The following MKKS variants were observed in gnomAD, a reference collection of about 807,000 sequenced individuals.
MKKS encodes molecular chaperone MKKS.
A neutral mutation model predicts 33.2 loss-of-function variants in MKKS; 29 were observed. The ratio of observed to expected loss-of-function variants is 0.87; its 90% CI spans 0.65 to 1.19. MKKS has a LOEUF of 1.19. Among genes scored for constraint, MKKS ranks in the 50% most tolerant of loss-of-function variants. The pLI is 0.00. For missense variants in MKKS, 661 were observed against 662.3 expected (o/e 1.00, Z 0.02); for synonymous variants, 260 against 244.0 (o/e 1.07, Z -0.61).
rs1256370772 is a variant in MKKS, at chr20:10,407,654, A to G, written c.1234T>C (p.Cys412Arg). 2 of 1,614,066 alleles carry G rather than the reference A, an allele frequency of 1.2e-6. No individual in the cohort carries two copies. The highest frequency in any genetic ancestry group is 4.5e-5 in the East Asian group (2 of 44,868). ...KEPWALLGGG[C>R]TETHLAAYIR... ...TATGCAGCCAAATGAGTTTCAGTAC[A>G]GCCACCTCCCAACAAAGCCCATGGT... Residue 412 changes from cysteine (C) to arginine (R), a missense_variant, in exon 5 of 6, where the codon TGT becomes CGT. Transcript: ENST00000347364.
At chr20:10,431,191 C>G (rs750288902) in intron 1 of MKKS, among the ~76,000 whole-genome samples, 1 of 152,098 alleles carries the variant, frequency 6.6e-6, no homozygotes, top group African/African-American at 2.4e-5. Context: ...GAGGTTCCTG[C>G]TTGATCAAAG....
At chr20:10,424,411 AT>A in intron 1 of MKKS, among the ~76,000 whole-genome samples, 1 of 152,080 alleles carries the variant, frequency 6.6e-6, no homozygotes, top group Non-Finnish European at 1.5e-5. Context: ...AAAAACATAT[AT>A]TTTTAAAAAA....
chr20:10,409,644 T>C (rs1022011187), intron 3 of MKKS, among the ~76,000 whole-genome samples: 1 of 152,114 alleles, frequency 6.6e-6, no homozygotes, highest in Non-Finnish European at 1.5e-5. Context: ...CTTTAAAAGA[T>C]GGTTTCTTTC....
At chr20:10,408,485 C>T (rs2064858342) in intron 4 of MKKS, 143 bp downstream of exon 4, 1 of 791,824 alleles carries the variant, frequency 1.3e-6, no homozygotes, top group South Asian at 1.6e-5. Flanking sequence ...TTTAAATTAG[C>T]TTACTTGTGA....
chr20:10,413,272 T>A lies in MKKS; in HGVS notation c.243A>T (p.Ile81=). 1 of 1,614,228 alleles carries A rather than the reference T, an allele frequency of 6.2e-7. No individual in the cohort carries two copies. Among genetic ancestry groups the A allele is most frequent in the Non-Finnish European group, 8.5e-7 (1 of 1,180,034 alleles). Residue 81 remains isoleucine (I), a synonymous_variant, in exon 3 of 6, where the codon ATA becomes ATT. Coordinates refer to ENST00000347364, the MANE Select transcript of MKKS (RefSeq NM_170784.3). ...HPILKILTAS[I]QNHVSSFSDC... The stretch of plus-strand genomic sequence containing the variant: ...CACTGAAGCTTGACACATGATTCTG[T>A]ATGGAGGCTGTCAGGATCTTTAAAA...
At chr20:10,431,260 G>A (rs1265259128) in intron 1 of MKKS, among the ~76,000 whole-genome samples, 1 of 152,032 alleles carries the variant, frequency 6.6e-6, no homozygotes, top group Admixed American at 6.6e-5. Context: ...TATAAGGTGA[G>A]GAAATACTGT....
Position 10,404,990 on chromosome 20 carries a change from T to G in MKKS, c.*257A>C, listed in dbSNP as rs375444530. ...CCAACATAACAAAAATTTAGAACAA[T>G]GTACAGCAGCCAGTATAGAATCCCT... On this transcript the variant is annotated 3_prime_UTR_variant, in exon 6 of 6. Coordinates refer to ENST00000347364, the MANE Select transcript of MKKS (RefSeq NM_170784.3). 7.7e-5 allele frequency: 21 copies of G among 273,606 alleles called. No individual in the cohort carries two copies. In the East Asian group the frequency reaches 1.1e-3, roughly 14 times the overall value. The allele number at this position is 273,606 out of a possible 1,614,324, so 16.9% of individuals were successfully genotyped here.
Position 10,401,502 on chromosome 20 carries a change from C to G in MKKS, c.*3745G>C, listed in dbSNP as rs1026059695. ...TGTAGGAGATGTTTAGTCTCTTTGA[C>G]TATTCCCCAAAGATTATCAGGAAGG... On this transcript the variant is annotated 3_prime_UTR_variant, in exon 6 of 6. Coordinates refer to ENST00000347364, the MANE Select transcript of MKKS (RefSeq NM_170784.3). The G allele has an allele frequency of 6.6e-6, 1 of 152,168 alleles. No homozygotes were observed. The highest frequency in any genetic ancestry group is 2.4e-5 in the African/African-American group (1 of 41,442). 9.4% of individuals were successfully genotyped at this position (152,168 alleles called of 1,614,324 possible). A position where few individuals can be genotyped will look rare whatever the true frequency, so the allele number is the denominator to read the frequency against.
rs1269436272 is a variant in MKKS at position 10,405,679 on chromosome 20, G to A, written c.1281C>T (p.Asn427=). ...CATCTTTGAGAATGCTTTCTGGGTC[G>A]TTGTGAGTCTAAAGAGTAATAAAAA... ...LAAYIRHKTH[N]DPESILKDDE... is the part of the protein sequence containing the mutation. Residue 427 remains asparagine, a synonymous_variant, in exon 6 of 6, where the codon AAC becomes AAT. Coordinates refer to ENST00000347364, the MANE Select transcript of MKKS (RefSeq NM_170784.3). 8 of 1,613,102 alleles carry A rather than the reference G, an allele frequency of 5.0e-6. No individual in the cohort carries two copies. Among genetic ancestry groups the A allele is most frequent in the African/African-American group, 2.7e-5 (2 of 74,868 alleles).
chr20:10,412,609 C>T lies in MKKS; in HGVS notation c.906G>A (p.Lys302=), dbSNP rs1175195016. 6.2e-7 allele frequency: 1 copy of T among 1,614,132 alleles called. No homozygotes were observed. ...LCQKVIHPSL[K]QFLNMHRIIA... Reference sequence around the variant, plus strand: ...TAATACGATGCATATTGAGAAACTGCTTCAAAGATGGATGTATAACTTTTT... The same window carrying T: ...TAATACGATGCATATTGAGAAACTGTTTCAAAGATGGATGTATAACTTTTT... The change falls in exon 3 of 6, where the codon AAG becomes AAA. Residue 302 remains lysine, a synonymous_variant. Transcript: ENST00000347364.
In MKKS at chr20:10,405,142, T is replaced by C; in HGVS notation, c.*105A>G. ...TAATTTTATGAGTCATTTGTCCAAA[T>C]ATGTAGAACAGGGCTTTGGGAGAAA... On this transcript the variant is annotated 3_prime_UTR_variant, in exon 6 of 6. Coordinates refer to ENST00000347364, the MANE Select transcript of MKKS (RefSeq NM_170784.3). The C allele has an allele frequency of 1.1e-6, 1 of 892,002 alleles. No individual in the cohort carries two copies. Among genetic ancestry groups the C allele is most frequent in the Non-Finnish European group, 1.7e-6 (1 of 599,952 alleles). 55.3% of individuals were successfully genotyped at this position (892,002 alleles called of 1,614,324 possible).
At position 10,413,905 on chromosome 20, in the gene MKKS, A is replaced by G; in HGVS notation, c.-391T>C. The G allele has an allele frequency of 2.4e-6, 1 of 419,372 alleles. No homozygotes were observed. 26.0% of individuals were successfully genotyped at this position (419,372 alleles called of 1,614,324 possible). A position where few individuals can be genotyped will look rare whatever the true frequency, so the allele number is the denominator to read the frequency against. ...TTTTTCATCTCTTCTTTCGATATGA[A>G]GCTCAGATTCAAAGCTGCTTCTTTA... is the stretch of plus-strand genomic sequence containing the variant. On this transcript the variant is annotated 5_prime_UTR_variant, in exon 3 of 6. Transcript: ENST00000347364.
chr20:10,431,598 T>C (rs1430142947), intron 1 of MKKS: 1 of 152,190 alleles, frequency 6.6e-6, no homozygotes, highest in Non-Finnish European at 1.5e-5. Context: ...ATAAAGTCTT[T>C]ACCAAGTTGA....
chr20:10,430,688 C>A (rs117842151), intron 1 of MKKS, among the ~76,000 whole-genome samples: 6 of 152,200 alleles, frequency 3.9e-5, no homozygotes, highest in Non-Finnish European at 7.4e-5. Flanking sequence ...TAATTAGATT[C>A]TAGGATATTA....
At chr20:10,417,245 TA>T (rs60367709) in intron 2 of MKKS, among the ~76,000 whole-genome samples, 105,265 of 132,396 alleles carry the variant, frequency 0.8, 42,108 homozygotes, top group Non-Finnish European at 0.86. Context: ...GACTCCATCT[TA>T]AAAAAAAAAA....
intron 1 of MKKS, among the ~76,000 whole-genome samples, chr20:10,433,466 G>A (rs2065070281): frequency 6.6e-6 from 1 of 152,198 alleles, no homozygotes; most frequent in Non-Finnish European, 1.5e-5. Context: ...CTGTAGACAC[G>A]TGTATATCTG....
intron 1 of MKKS, among the ~76,000 whole-genome samples, chr20:10,423,452 G>A (rs2122264309): frequency 6.6e-6 from 1 of 152,188 alleles, no homozygotes; most frequent in East Asian, 1.9e-4. Context: ...AAAGAGACTG[G>A]ATAGGATAAA....
At chr20:10,417,539 A>T (rs981609355) in intron 2 of MKKS, among the ~76,000 whole-genome samples, 2 of 152,146 alleles carry the variant, frequency 1.3e-5, no homozygotes, top group African/African-American at 2.4e-5. Flanking sequence ...TGTGCCCAAG[A>T]GTTTGAGGCT....
At position 10,403,234 on chromosome 20, in the gene MKKS, T is replaced by G. The variant is rs367938374; in HGVS notation, c.*2013A>C. On this transcript the variant is annotated 3_prime_UTR_variant, in exon 6 of 6. Transcript: ENST00000347364. Reference sequence around the variant, plus strand: ...AGGCATCAAGAGACAAACTCATCTTTTTACCACCAAATATCAGAAGTGATA... The same window carrying G: ...AGGCATCAAGAGACAAACTCATCTTGTTACCACCAAATATCAGAAGTGATA... The G allele has an allele frequency of 4.8e-4, 73 of 152,362 alleles. No homozygotes were observed. Among genetic ancestry groups the G allele is most frequent in the African/African-American group, 1.7e-3 (72 of 41,556 alleles). The allele number at this position is 152,362 out of a possible 1,614,324, so 9.4% of individuals were successfully genotyped here. A position where few individuals can be genotyped will look rare whatever the true frequency, so the allele number is the denominator to read the frequency against.
Sources: allele counts gnomAD v4.1 joint callset (sites outside exome capture counted in the v4.1 genomes callset), GRCh38; gene constraint gnomAD v4.1.1; transcripts MANE v1.5; gene names NCBI Gene and HGNC (gene_info 2026-07-23, HGNC 2026-07-21).